Variants in SUB1 observed in about 807,000 individuals in gnomAD.
SUB1 encodes SUB1 regulator of transcription.
Under a neutral mutation model 16.9 loss-of-function variants are expected in SUB1, and 1 was observed. The observed-to-expected ratio is 0.06, with a 90% CI of 0.02 to 0.28. The LOEUF is 0.28. SUB1 is among the 10% of genes least tolerant of loss of function. The probability of loss-of-function intolerance (pLI) is 1.00; values close to 1 mark genes in which losing one functional copy is unlikely to be tolerated. For synonymous variants in SUB1, 51 were observed against 46.9 expected, an observed-to-expected ratio of 1.09 and a Z score of -0.36; for missense variants, 84 against 145.2, an observed-to-expected ratio of 0.58 and a Z score of 2.16.
intron 4 of SUB1, among the ~76,000 whole-genome samples, chr5:32,600,743 AC>A (rs370468517): frequency 1.3e-5 from 2 of 151,842 alleles, no homozygotes; most frequent in African/African-American, 4.8e-5. Context: ...AGCTGGGATT[AC>A]AGGTGCCCAC....
chr5:32,600,961 G>A (rs561335325), intron 4 of SUB1, 44 bp from the exon 5 acceptor site: 15 of 1,549,704 alleles, frequency 9.7e-6, no homozygotes, highest in Admixed American at 5.0e-5. Context: ...AATCCTCAAC[G>A]CTTAAATAGA....
rs1197455589 is a variant in SUB1, at chr5:32,603,342, C to T, written c.*2258C>T. 4.6e-5 allele frequency: 7 copies of T among 151,782 alleles called. No homozygotes were observed. Among genetic ancestry groups the T allele is most frequent in the African/African-American group, 1.7e-4 (7 of 41,336 alleles). 9.4% of individuals were successfully genotyped at this position (151,782 alleles called of 1,614,324 possible). A position where few individuals can be genotyped will look rare whatever the true frequency, so the allele number is the denominator to read the frequency against. The stretch of plus-strand genomic sequence containing the variant: ...TTGGTAAAGATTTTTTTTTCCTGGG[C>T]AGAAAACTTGGCATTTTTAGGCGTA... On this transcript the variant is annotated 3_prime_UTR_variant, in exon 5 of 5. Transcript: ENST00000265073.
At chr5:32,600,369 G>C (rs1739085331) in intron 4 of SUB1, among the ~76,000 whole-genome samples, 1 of 152,144 alleles carries the variant, frequency 6.6e-6, no homozygotes, top group Non-Finnish European at 1.5e-5. Flanking sequence ...ATAGTAATGG[G>C]GTATCACATG....
intron 3 of SUB1, chr5:32,594,906 G>T (rs1738919995): frequency 6.4e-6 from 1 of 156,776 alleles, no homozygotes; most frequent in Admixed American, 6.2e-5. Context: ...ATCTTCAGAG[G>T]GGACAGGGAA....
At chr5:32,593,792 C>A (rs1738889690) in intron 3 of SUB1, among the ~76,000 whole-genome samples, 1 of 152,116 alleles carries the variant, frequency 6.6e-6, no homozygotes, top group African/African-American at 2.4e-5. Flanking sequence ...CTCCTGGGTT[C>A]AAGAGATTCT....
intron 3 of SUB1, chr5:32,596,445 G>A (rs1738966087): frequency 6.6e-6 from 1 of 151,982 alleles, no homozygotes; most frequent in Admixed American, 6.6e-5. Context: ...CTTATTTTCT[G>A]TCCAAGACGT....
rs1335855736 is a variant in SUB1, at chr5:32,602,202, G to C, written c.*1118G>C. ...TTTAACCATACTGATGAAGCAGACA[G>C]ATTGAGGCACAGATTTTAGTGGCTT... On this transcript the variant is annotated 3_prime_UTR_variant, in exon 5 of 5. Transcript: ENST00000265073. 43 of 455,648 alleles carry C rather than the reference G, an allele frequency of 9.4e-5. 1 individual carries two copies. Among genetic ancestry groups the C allele is most frequent in the Non-Finnish European group, 1.6e-4 (37 of 226,642 alleles). The allele number at this position is 455,648 out of a possible 1,614,324, so 28.2% of individuals were successfully genotyped here. A position where few individuals can be genotyped will look rare whatever the true frequency, so the allele number is the denominator to read the frequency against.
At chr5:32,587,888 C>G (rs6884626) in intron 1 of SUB1, among the ~76,000 whole-genome samples, 1 of 152,108 alleles carries the variant, frequency 6.6e-6, no homozygotes, top group East Asian at 1.9e-4. Flanking sequence ...GGATTACAGG[C>G]GTGAACCATC....
Position 32,591,677 on chromosome 5 carries a change from A to C in SUB1, c.187A>C (p.Met63Leu). The change falls in exon 3 of 5, where the codon ATG becomes CTG. Residue 63 changes from methionine to leucine, a missense_variant. This residue lies in a region of SUB1 where 24 missense variants were observed against 80.3 expected (regional missense o/e 0.30). Transcript: ENST00000265073. ...GAGCAGCAGCAGCAGAGATGATAAC[A>C]TGTTTCAGGTAAAGTTGGCTATTTT... ...KQSSSSRDDN[M>L]FQIGKMRYVS... 6.4e-7 allele frequency: 1 copy of C among 1,563,008 alleles called. No individual in the cohort carries two copies. The highest frequency in any genetic ancestry group is 2.0e-5 in the Admixed American group (1 of 49,190).
In SUB1 at chr5:32,600,994, C is replaced by CT; in HGVS notation, c.305-8dup. Reference sequence around the variant, plus strand: ...AGATTTTCACCTTTGAATTTTTAAACTTTGTTTTAGGTATTTCTTTAAATC... The same window carrying CT: ...AGATTTTCACCTTTGAATTTTTAAACTTTTGTTTTAGGTATTTCTTTAAATC... On this transcript the variant is annotated splice_polypyrimidine_tract_variant and intron_variant, in intron 4 of 4. Coordinates refer to ENST00000265073, the MANE Select transcript of SUB1 (RefSeq NM_006713.4). 6.2e-7 allele frequency: 1 copy of CT among 1,609,462 alleles called. No individual in the cohort carries two copies. The highest frequency in any genetic ancestry group is 8.5e-7 in the Non-Finnish European group (1 of 1,176,424).
chr5:32,591,524 AT>A, intron 2 of SUB1, 38 bp from the exon 3 acceptor site: 1 of 1,565,214 alleles, frequency 6.4e-7, no homozygotes, highest in South Asian at 1.2e-5. Flanking sequence ...GGTATGTTTT[AT>A]TTTTATGTGT....
Position 32,602,396 on chromosome 5 carries a change from G to A in SUB1, c.*1312G>A. On this transcript the variant is annotated 3_prime_UTR_variant, in exon 5 of 5. Coordinates refer to ENST00000265073, the MANE Select transcript of SUB1 (RefSeq NM_006713.4). ...TAACAGCAGTGGAACACAATTCTAG[G>A]TAGAGTAGAAAAAGGAAAGTTTTAA... 1 of 261,484 alleles carries A rather than the reference G, an allele frequency of 3.8e-6. No individual in the cohort carries two copies. Among genetic ancestry groups the A allele is most frequent in the Non-Finnish European group, 7.7e-6 (1 of 129,050 alleles). The allele number at this position is 261,484 out of a possible 1,614,324, so 16.2% of individuals were successfully genotyped here. A position where few individuals can be genotyped will look rare whatever the true frequency, so the allele number is the denominator to read the frequency against.
At chr5:32,597,970 C>G (rs1048779610) in intron 3 of SUB1, 13 of 152,258 alleles carry the variant, frequency 8.5e-5, no homozygotes, top group African/African-American at 2.6e-4. Flanking sequence ...GATATGTCAT[C>G]TGTTAATAAA....
intron 1 of SUB1, among the ~76,000 whole-genome samples, chr5:32,587,830 A>T (rs904421449): frequency 6.6e-6 from 1 of 152,116 alleles, no homozygotes; most frequent in African/African-American, 2.4e-5. Context: ...GCTGGTCTCG[A>T]ACTCCTGACC....
At chr5:32,597,911 T>A (rs944342707) in intron 3 of SUB1, 1 of 152,204 alleles carries the variant, frequency 6.6e-6, no homozygotes, top group East Asian at 1.9e-4. Context: ...CATTTTACTG[T>A]ACTGTATGGT....
In SUB1 at chr5:32,602,614, AT is replaced by A. The variant is rs146152836; in HGVS notation, c.*1539del. ...CATTTGCCAGGCCACATAGTTATCAATTTTTTTTTCTATCAGCTATTCTGTT... is the reference window on the plus strand; with the variant it reads ...CATTTGCCAGGCCACATAGTTATCAATTTTTTTTCTATCAGCTATTCTGTT... On this transcript the variant is annotated 3_prime_UTR_variant, in exon 5 of 5. Transcript: ENST00000265073. 1.2e-5 allele frequency: 2 copies of A among 160,078 alleles called. No individual in the cohort carries two copies. Among genetic ancestry groups the A allele is most frequent in the South Asian group, 1.6e-4 (1 of 6,084 alleles). 9.9% of individuals were successfully genotyped at this position (160,078 alleles called of 1,614,324 possible). A position where few individuals can be genotyped will look rare whatever the true frequency, so the allele number is the denominator to read the frequency against.
rs747748649 is a variant in SUB1 at position 32,591,696 on chromosome 5, C to CT, written c.195+12dup. 22 of 1,511,084 alleles carry CT rather than the reference C, an allele frequency of 1.5e-5. No individual in the cohort carries two copies. The highest frequency in any genetic ancestry group is 1.3e-4 in the African/African-American group (9 of 69,304). The allele number at this position is 1,511,084 out of a possible 1,614,324, so 93.6% of individuals were successfully genotyped here. ...GATAACATGTTTCAGGTAAAGTTGG[C>CT]TATTTTTTTTTTTTTTTTTTTTGAC... On this transcript the variant is annotated intron_variant, in intron 3 of 4. Transcript: ENST00000265073.
Position 32,601,255 on chromosome 5 carries a change from G to T in SUB1, c.*171G>T. 3.5e-6 allele frequency: 2 copies of T among 567,412 alleles called. No individual in the cohort carries two copies. Among genetic ancestry groups the T allele is most frequent in the Non-Finnish European group, 3.1e-6 (1 of 322,500 alleles). The allele number at this position is 567,412 out of a possible 1,614,324, so 35.1% of individuals were successfully genotyped here. The stretch of plus-strand genomic sequence containing the variant: ...TGCATTATTAAAAATATTGAGTGAA[G>T]CTAATTGTCAACTTTATTAAGGATT... On this transcript the variant is annotated 3_prime_UTR_variant, in exon 5 of 5. Coordinates refer to ENST00000265073, the MANE Select transcript of SUB1 (RefSeq NM_006713.4).
intron 1 of SUB1, among the ~76,000 whole-genome samples, chr5:32,587,412 C>G (rs1358492327): frequency 6.6e-6 from 1 of 152,130 alleles, no homozygotes; most frequent in Non-Finnish European, 1.5e-5. Flanking sequence ...AGTAAACACC[C>G]ACTTGTAAGC....
Sources: gnomAD v4.1 joint callset for allele counts (sites outside exome capture counted in the v4.1 genomes callset) on GRCh38, gnomAD v4.1.1 for gene constraint, gnomAD v4.1.1 regional missense constraint, MANE v1.5 for transcripts, NCBI Gene and HGNC (gene_info 2026-07-23, HGNC 2026-07-21) for gene names.